DPYSL5: variants seen among roughly 807,000 people sequenced by gnomAD.
DPYSL5 encodes dihydropyrimidinase like 5.
A neutral mutation model predicts 58.4 loss-of-function variants in DPYSL5; 9 were observed. That is an observed-to-expected ratio of 0.15 (90% confidence interval 0.09 to 0.27). The LOEUF is 0.27. Among genes scored for constraint, DPYSL5 ranks in the 10% least tolerant of loss-of-function variants. The pLI is 1.00. For synonymous variants in DPYSL5, 293 were observed against 301.9 expected, an observed-to-expected ratio of 0.97 and a Z score of 0.31; for missense variants, 499 against 770.6, an observed-to-expected ratio of 0.65 and a Z score of 4.17.
intron 1 of DPYSL5, among the ~76,000 whole-genome samples, chr2:26,861,850 G>A (rs1472373611): frequency 6.6e-6 from 1 of 152,202 alleles, no homozygotes; most frequent in Non-Finnish European, 1.5e-5. Flanking sequence ...CAACAGGGGT[G>A]ATGGGAATGT....
At chr2:26,886,368 T>A (rs899289940) in intron 1 of DPYSL5, among the ~76,000 whole-genome samples, 7 of 152,210 alleles carry the variant, frequency 4.6e-5, no homozygotes, top group Non-Finnish European at 7.3e-5. Flanking sequence ...GGTCTCTGTG[T>A]CATTATGACC....
chr2:26,876,961 CTTTTT>C (rs10707678), intron 1 of DPYSL5, among the ~76,000 whole-genome samples: 1 of 112,268 alleles, frequency 8.9e-6, no homozygotes, highest in Non-Finnish European at 1.8e-5. Flanking sequence ...TCCACAGCCA[CTTTTT>C]TTTTTTTTTT....
At chr2:26,891,037 A>G (rs1370335852) in intron 1 of DPYSL5, among the ~76,000 whole-genome samples, 1 of 152,210 alleles carries the variant, frequency 6.6e-6, no homozygotes, top group Non-Finnish European at 1.5e-5. Context: ...GGACACATAC[A>G]TCTAGTCCAT....
At position 26,949,354 on chromosome 2, in the gene DPYSL5, G is replaced by A. The variant is rs181654005; in HGVS notation, c.*2359G>A. 5.8e-4 allele frequency: 88 copies of A among 152,574 alleles called. 1 individual carries two copies. Among genetic ancestry groups the A allele is most frequent in the Admixed American group, 3.3e-3 (51 of 15,306 alleles). 9.5% of individuals were successfully genotyped at this position (152,574 alleles called of 1,614,324 possible). On this transcript the variant is annotated 3_prime_UTR_variant, in exon 13 of 13. Coordinates refer to ENST00000288699, the MANE Select transcript of DPYSL5 (RefSeq NM_020134.4). ...TCACTCAGGGGCTGAGAGGACAGAG[G>A]TGGTCAGCCGGGGAGCAGAGGTGGC...
chr2:26,896,377 T>G (rs1275218622), intron 1 of DPYSL5, among the ~76,000 whole-genome samples: 2 of 152,228 alleles, frequency 1.3e-5, no homozygotes, highest in Non-Finnish European at 2.9e-5. Flanking sequence ...CGACATCTGA[T>G]TTCATTTCCC....
intron 1 of DPYSL5, among the ~76,000 whole-genome samples, chr2:26,884,384 C>T (rs1663655590): frequency 6.6e-6 from 1 of 152,134 alleles, no homozygotes; most frequent in Non-Finnish European, 1.5e-5. Flanking sequence ...GTAATGAAGC[C>T]TCCTGGCCTC....
At chr2:26,941,081 C>T (rs997150174) in intron 9 of DPYSL5, among the ~76,000 whole-genome samples, 1 of 151,906 alleles carries the variant, frequency 6.6e-6, no homozygotes, top group African/African-American at 2.4e-5. Context: ...GGACTACAGG[C>T]GTGCGCCACT....
chr2:26,928,524 G>A (rs147187635), intron 5 of DPYSL5, among the ~76,000 whole-genome samples: 1,591 of 150,622 alleles, frequency 0.011, 13 homozygotes, highest in Non-Finnish European at 0.016. Flanking sequence ...GTGAAACTCC[G>A]TCTCTACTAA....
At chr2:26,946,848 T>C in intron 12 of DPYSL5, 62 bp from the exon 13 acceptor site, 1 of 1,317,956 alleles carries the variant, frequency 7.6e-7, no homozygotes, top group Non-Finnish European at 1.1e-6. Context: ...CAGGAGAGGG[T>C]GTCTGTGGTT....
At chr2:26,928,362 A>G (rs1412022373) in intron 5 of DPYSL5, 39 bp downstream of exon 5, 3 of 1,600,790 alleles carry the variant, frequency 1.9e-6, no homozygotes, top group Admixed American at 1.7e-5. Flanking sequence ...AGCGTCTCTC[A>G]TGTAGATTGA....
intron 1 of DPYSL5, among the ~76,000 whole-genome samples, chr2:26,860,524 C>T (rs764697390): frequency 6.6e-6 from 1 of 152,182 alleles, no homozygotes; most frequent in African/African-American, 2.4e-5. Flanking sequence ...CCCAGCAGTA[C>T]CACTGCTAGC....
chr2:26,931,201 G>GTATATATATATATATATATATATATATA (rs1161770394), intron 5 of DPYSL5, among the ~76,000 whole-genome samples: 3 of 54,560 alleles, frequency 5.5e-5, no homozygotes, highest in Non-Finnish European at 7.6e-5. Flanking sequence ...GTGTGTGTGT[G>GTATATATATATATATATATATATATATA]TGTATATATA....
intron 1 of DPYSL5, among the ~76,000 whole-genome samples, chr2:26,855,280 T>G (rs1034367673): frequency 6.6e-6 from 1 of 151,642 alleles, no homozygotes; most frequent in Non-Finnish European, 1.5e-5. Flanking sequence ...ATACAAAAAT[T>G]TAGCTGGGCG....
Position 26,927,501 on chromosome 2 carries a change from T to G in DPYSL5, c.600+69T>G. 1 of 1,550,774 alleles carries G rather than the reference T, an allele frequency of 6.4e-7. No homozygotes were observed. The highest frequency in any genetic ancestry group is 8.8e-7 in the Non-Finnish European group (1 of 1,142,522). ...AGACAGTTAGTTCTCAGGGGATTCC[T>G]GACCACCCGTCACTGATCCCACAGG... On this transcript the variant is annotated intron_variant, in intron 4 of 12. Coordinates refer to ENST00000288699, the MANE Select transcript of DPYSL5 (RefSeq NM_020134.4). This position sits in a 1 kb window ranked among gnomAD's most constrained non-coding sequence, Gnocchi z 4.3.
intron 2 of DPYSL5, among the ~76,000 whole-genome samples, chr2:26,903,841 C>T (rs1275677220): frequency 6.6e-6 from 1 of 152,232 alleles, no homozygotes; most frequent in Non-Finnish European, 1.5e-5. Flanking sequence ...GTGTCCTGAC[C>T]TCCTGTCTGT....
At chr2:26,928,001 T>C (rs1664868854) in intron 4 of DPYSL5, among the ~76,000 whole-genome samples, 1 of 152,226 alleles carries the variant, frequency 6.6e-6, no homozygotes, top group African/African-American at 2.4e-5. Flanking sequence ...TTGCTAGTTA[T>C]AATACTTAAC....
intron 2 of DPYSL5, among the ~76,000 whole-genome samples, chr2:26,922,298 T>C (rs894808904): frequency 6.6e-6 from 1 of 152,184 alleles, no homozygotes; most frequent in African/African-American, 2.4e-5. Context: ...TAGGCGCGTG[T>C]GGGCTGGGGG....
intron 1 of DPYSL5, among the ~76,000 whole-genome samples, chr2:26,866,002 G>T (rs1302807653): frequency 6.6e-6 from 1 of 152,162 alleles, no homozygotes; most frequent in Admixed American, 6.5e-5. Flanking sequence ...GTGGGTGTTT[G>T]TCTGCATGGT....
rs542475844 is a variant in DPYSL5 at position 26,873,205 on chromosome 2, AAC to A, written c.-5+24955_-5+24956del. ...GTTGAGGTATAATTTATATACAATAAACACAACAATTTTTTGATGTATATTTC... is the reference window on the plus strand; with the variant it reads ...GTTGAGGTATAATTTATATACAATAAACAACAATTTTTTGATGTATATTTC... On this transcript the variant is annotated intron_variant, in intron 1 of 12. Transcript: ENST00000288699. Among the ~76,000 whole-genome samples, 479 of 152,326 alleles carry A rather than the reference AAC, an allele frequency of 3.1e-3. 4 individuals are homozygous for A. Among genetic ancestry groups the A allele is most frequent in the African/African-American group, 0.011 (449 of 41,574 alleles).
Sources: allele counts gnomAD v4.1 joint callset (sites outside exome capture counted in the v4.1 genomes callset), GRCh38; gene constraint gnomAD v4.1.1; non-coding constraint Gnocchi (gnomAD v3.1); transcripts MANE v1.5; gene names NCBI Gene and HGNC (gene_info 2026-07-23, HGNC 2026-07-21).